DAPK2: variants seen among roughly 807,000 people sequenced by gnomAD.
DAPK2 encodes death associated protein kinase 2.
Under a neutral mutation model 44.1 loss-of-function variants are expected in DAPK2, and 35 were observed. The observed-to-expected ratio is 0.79, with a 90% CI of 0.61 to 1.05. The LOEUF (loss-of-function observed/expected upper bound fraction) is 1.05, where lower values mean the gene tolerates loss of function less well. Among genes scored for constraint, DAPK2 ranks in the 50% least tolerant of loss-of-function variants. DAPK2 has a pLI of 0.00. For synonymous variants in DAPK2, 174 were observed against 182.6 expected, an observed-to-expected ratio of 0.95 and a Z score of 0.38; for missense variants, 453 against 483.2, an observed-to-expected ratio of 0.94 and a Z score of 0.59.
chr15:63,946,461 TGG>T (rs1248685706), intron 3 of DAPK2, among the ~76,000 whole-genome samples: 1 of 152,152 alleles, frequency 6.6e-6, no homozygotes, highest in Non-Finnish European at 1.5e-5. Context: ...ATCTATAAAA[TGG>T]GGGCAAAACC....
intron 1 of DAPK2, among the ~76,000 whole-genome samples, chr15:64,010,018 C>G (rs2079346387): frequency 6.6e-6 from 1 of 152,196 alleles, no homozygotes; most frequent in African/African-American, 2.4e-5. Context: ...AATTGTAAAC[C>G]TATGCCACTG....
Position 63,929,858 on chromosome 15 carries a change from G to A in DAPK2, c.633-281C>T, listed in dbSNP as rs116253178. 3.9e-3 allele frequency: 2,356 copies of A among 600,776 alleles called. 41 individuals carry two copies. The highest frequency in any genetic ancestry group is 0.038 in the African/African-American group (2,067 of 55,114). The allele number at this position is 600,776 out of a possible 1,614,324, so 37.2% of individuals were successfully genotyped here. A position where few individuals can be genotyped will look rare whatever the true frequency, so the allele number is the denominator to read the frequency against. On this transcript the variant is annotated intron_variant, in intron 5 of 10. Transcript: ENST00000261891. ...ATTTAGGTAAGTCCCTTACCACCTC[G>A]GAGCCCTTCCCCCCTTGTAAAATGA...
chr15:63,933,183 T>G (rs1333566978), intron 4 of DAPK2, among the ~76,000 whole-genome samples: 1 of 152,234 alleles, frequency 6.6e-6, no homozygotes, highest in Non-Finnish European at 1.5e-5. Flanking sequence ...GAGACTCTGA[T>G]AGCAATGTGA....
chr15:63,942,483 T>C (rs1243892322), intron 3 of DAPK2, among the ~76,000 whole-genome samples: 1 of 151,026 alleles, frequency 6.6e-6, no homozygotes, highest in Non-Finnish European at 1.5e-5. Flanking sequence ...ACCGGGGAGG[T>C]GGAGGCTGCA....
chr15:64,022,615 A>C (rs1210252975), intron 1 of DAPK2, among the ~76,000 whole-genome samples: 1 of 152,236 alleles, frequency 6.6e-6, no homozygotes. Context: ...CGGAAGGTTA[A>C]GACCAGCCTA....
At chr15:63,969,928 C>T (rs1448538787) in intron 3 of DAPK2, among the ~76,000 whole-genome samples, 1 of 152,158 alleles carries the variant, frequency 6.6e-6, no homozygotes, top group African/African-American at 2.4e-5. Context: ...GGGCCAGGGG[C>T]ACAAGCCAGA....
chr15:64,036,336 T>TATATATATATATATAC (rs1331157703), intron 1 of DAPK2, among the ~76,000 whole-genome samples: 1 of 115,084 alleles, frequency 8.7e-6, no homozygotes, highest in African/African-American at 2.9e-5. Context: ...TATATATATA[T>TATATATATATATATAC]ACATATATAT....
intron 1 of DAPK2, among the ~76,000 whole-genome samples, chr15:64,002,985 T>TGGGAC (rs2079134879): frequency 6.9e-6 from 1 of 145,932 alleles, no homozygotes; most frequent in African/African-American, 2.5e-5. Context: ...TGTGTGTGTG[T>TGGGAC]GTGTGTGTGT....
At chr15:63,944,286 A>G (rs2077393944) in intron 3 of DAPK2, among the ~76,000 whole-genome samples, 1 of 152,104 alleles carries the variant, frequency 6.6e-6, no homozygotes, top group South Asian at 2.1e-4. Flanking sequence ...TGGACCAGAC[A>G]TACCCATAGA....
At chr15:63,960,202 C>A (rs1310686720) in intron 3 of DAPK2, among the ~76,000 whole-genome samples, 2 of 152,172 alleles carry the variant, frequency 1.3e-5, no homozygotes, top group East Asian at 1.9e-4. Flanking sequence ...GTGGTGATAT[C>A]CCCTTTATCA....
chr15:64,000,787 T>C (rs1446300939), intron 1 of DAPK2, among the ~76,000 whole-genome samples: 2 of 152,002 alleles, frequency 1.3e-5, no homozygotes, highest in Non-Finnish European at 2.9e-5. Flanking sequence ...GAATAGGTGA[T>C]GACAAAGTGT....
chr15:63,968,944 CAAGTT>C (rs986822762), intron 3 of DAPK2, among the ~76,000 whole-genome samples: 5 of 152,222 alleles, frequency 3.3e-5, no homozygotes, highest in African/African-American at 1.2e-4. Flanking sequence ...AATAAAACAA[CAAGTT>C]AATTGTCCAC....
intron 3 of DAPK2, among the ~76,000 whole-genome samples, chr15:63,969,254 A>C (rs868307680): frequency 6.7e-6 from 1 of 149,902 alleles, no homozygotes; most frequent in Admixed American, 6.6e-5. Flanking sequence ...ACCCATTTAT[A>C]CAAAAAAATA....
At chr15:63,982,097 G>T (rs1173309224) in intron 2 of DAPK2, among the ~76,000 whole-genome samples, 6 of 151,586 alleles carry the variant, frequency 4.0e-5, no homozygotes, top group Non-Finnish European at 8.8e-5. Context: ...GAGGTGACTT[G>T]CCCAAGGGCA....
intron 3 of DAPK2, among the ~76,000 whole-genome samples, chr15:63,942,040 C>G (rs1247559034): frequency 2.0e-5 from 3 of 152,228 alleles, no homozygotes; most frequent in Admixed American, 6.5e-5. Flanking sequence ...CCAGCCCTCC[C>G]GACCACCATA....
At chr15:63,975,736 T>C (rs1567244547) in intron 2 of DAPK2, among the ~76,000 whole-genome samples, 2 of 152,022 alleles carry the variant, frequency 1.3e-5, no homozygotes, top group Non-Finnish European at 2.9e-5. Context: ...GTAGCTGAGG[T>C]TACAGGCACA....
At chr15:63,965,739 C>G (rs139866667) in intron 3 of DAPK2, among the ~76,000 whole-genome samples, 120 of 152,350 alleles carry the variant, frequency 7.9e-4, no homozygotes, top group African/African-American at 2.7e-3. Flanking sequence ...CCCACTGCCC[C>G]AGGCCTATGG....
At chr15:64,035,645 C>G (rs573880851) in intron 1 of DAPK2, among the ~76,000 whole-genome samples, 17 of 152,318 alleles carry the variant, frequency 1.1e-4, no homozygotes, top group Middle Eastern at 3.4e-3. Flanking sequence ...TTTATGAGCC[C>G]TGCTCTGATA....
chr15:63,965,927 GCCCACTTGGTTCTCTAC>G (rs1421806323), intron 3 of DAPK2, among the ~76,000 whole-genome samples: 1 of 152,202 alleles, frequency 6.6e-6, no homozygotes, highest in Non-Finnish European at 1.5e-5. Context: ...AACCCGAAGA[GCCCACTTGGTTCTCTAC>G]CCCACTGTGG....
Sources: gnomAD v4.1 joint callset for allele counts (sites outside exome capture counted in the v4.1 genomes callset) on GRCh38, gnomAD v4.1.1 for gene constraint, MANE v1.5 for transcripts, NCBI Gene and HGNC (gene_info 2026-07-23, HGNC 2026-07-21) for gene names.